HADH: variants seen among roughly 807,000 people sequenced by gnomAD.
The protein encoded by HADH is hydroxyacyl-coenzyme A dehydrogenase, mitochondrial.
A neutral mutation model predicts 32.2 loss-of-function variants in HADH; 24 were observed. That is an observed-to-expected ratio of 0.75 (90% CI 0.54 to 1.05). HADH has a LOEUF of 1.05. HADH is among the 50% of genes least tolerant of loss of function. The pLI is 0.00. For missense variants in HADH, 350 were observed against 397.1 expected (o/e 0.88, Z 1.01); for synonymous variants, 139 against 152.5 (o/e 0.91, Z 0.65).
intron 5 of HADH, chr4:108,027,466 C>T: frequency 1.7e-6 from 1 of 603,976 alleles, no homozygotes; most frequent in Non-Finnish European, 3.0e-6. Context: ...AGGATCTGTG[C>T]AGTGGGGCAT....
chr4:108,019,958 T>C (rs1735828138), intron 4 of HADH, among the ~76,000 whole-genome samples: 1 of 152,214 alleles, frequency 6.6e-6, no homozygotes, highest in Non-Finnish European at 1.5e-5. Context: ...AAGGCAGCAC[T>C]AGAAACCGTG....
intron 2 of HADH, among the ~76,000 whole-genome samples, chr4:108,010,747 T>C (rs75591265): frequency 0.011 from 1,746 of 152,300 alleles, 40 homozygotes; most frequent in African/African-American, 0.038. Context: ...TCATACTTCA[T>C]GTAAGTGGAA....
intron 1 of HADH, among the ~76,000 whole-genome samples, chr4:108,008,718 G>T (rs1735371841): frequency 6.6e-6 from 1 of 152,268 alleles, no homozygotes; most frequent in South Asian, 2.1e-4. Flanking sequence ...CAATGGTTTT[G>T]CAGGGGGCTT....
chr4:108,016,929 T>C (rs992319447), intron 3 of HADH, among the ~76,000 whole-genome samples: 1 of 152,234 alleles, frequency 6.6e-6, no homozygotes, highest in Admixed American at 6.5e-5. Flanking sequence ...GAGTGCCTGC[T>C]GTGTATCAGG....
chr4:108,019,718 T>C (rs770121338), intron 4 of HADH, 52 bp downstream of exon 4: 2 of 1,609,702 alleles, frequency 1.2e-6, no homozygotes, highest in Non-Finnish European at 1.7e-6. Context: ...GCTCTCTCAG[T>C]CCTGCTTTTC....
intron 6 of HADH, chr4:108,027,977 C>G (rs2126237195): frequency 1.6e-6 from 1 of 608,072 alleles, no homozygotes; most frequent in South Asian, 1.9e-5. Context: ...AGAAAGGTTT[C>G]TGGAACTCCC....
chr4:107,999,795 T>C (rs753512773), intron 1 of HADH, among the ~76,000 whole-genome samples: 1 of 152,148 alleles, frequency 6.6e-6, no homozygotes, highest in Non-Finnish European at 1.5e-5. Flanking sequence ...CTAATTGTAA[T>C]GAAGGCACAG....
In HADH at chr4:107,996,280, A is replaced by G. The variant is rs1026727775; in HGVS notation, c.132+6216A>G. Among the ~76,000 whole-genome samples, 6 of 152,296 alleles carry G rather than the reference A, an allele frequency of 3.9e-5. No homozygotes were observed. In the East Asian group the frequency reaches 1.2e-3, roughly 29 times the overall value. On this transcript the variant is annotated intron_variant, in intron 1 of 7. Coordinates refer to ENST00000309522, the MANE Select transcript of HADH (RefSeq NM_005327.7). ...CATTGTCATATTAGTCTTCCTGGAG[A>G]GGCATTTGGATTTATAACTCTCCTC...
chr4:108,032,891 A>T (rs1736323755), intron 6 of HADH: 1 of 417,670 alleles, frequency 2.4e-6, no homozygotes, highest in Non-Finnish European at 4.5e-6. Context: ...CTGAGGCAGG[A>T]GAATCACTTG....
intron 1 of HADH, chr4:108,005,057 C>A: frequency 1.7e-6 from 1 of 577,700 alleles, no homozygotes; most frequent in Non-Finnish European, 2.9e-6. Flanking sequence ...TTCTTTCTTT[C>A]TTTATTTTCT....
intron 7 of HADH, among the ~76,000 whole-genome samples, chr4:108,033,835 T>G (rs989169584): frequency 1.3e-5 from 2 of 152,382 alleles, no homozygotes; most frequent in African/African-American, 4.8e-5. Context: ...ATTTTGAATC[T>G]TATGTGGATG....
intron 6 of HADH, chr4:108,031,758 A>G (rs886889558): frequency 6.6e-6 from 1 of 152,134 alleles, no homozygotes; most frequent in Non-Finnish European, 1.5e-5. Flanking sequence ...GAGTTCTCCC[A>G]TTATGTCATG....
chr4:108,033,335 T>C, intron 7 of HADH, 43 bp downstream of exon 7: 4 of 983,798 alleles, frequency 4.1e-6, no homozygotes, highest in Non-Finnish European at 6.6e-6. Context: ...GAGGTAGTTT[T>C]TCTGAACTGT....
At chr4:108,024,552 C>T (rs1483065186) in intron 5 of HADH, 2 of 152,172 alleles carry the variant, frequency 1.3e-5, no homozygotes, top group East Asian at 1.9e-4. Flanking sequence ...GTGTGTCCTG[C>T]TCCTCCCCGT....
At chr4:108,012,177 A>G (rs1175551844) in intron 2 of HADH, among the ~76,000 whole-genome samples, 1 of 152,072 alleles carries the variant, frequency 6.6e-6, no homozygotes, top group Non-Finnish European at 1.5e-5. Flanking sequence ...GATTACAAGC[A>G]TAAGCCACCG....
chr4:108,003,823 AAAAC>A (rs1291900638), intron 1 of HADH, among the ~76,000 whole-genome samples: 2 of 149,834 alleles, frequency 1.3e-5, no homozygotes, highest in Non-Finnish European at 3.0e-5. Context: ...AAAAAAAAAA[AAAAC>A]AAAAAAAAAA....
chr4:108,013,651 G>A (rs1331089769), intron 2 of HADH, among the ~76,000 whole-genome samples: 1 of 152,106 alleles, frequency 6.6e-6, no homozygotes, highest in Non-Finnish European at 1.5e-5. Flanking sequence ...TGCTTGAAAT[G>A]TGGCTAGTCT....
In HADH at chr4:108,027,666, G is replaced by A. The variant is rs374104621; in HGVS notation, c.637-22G>A. 2.0e-6 allele frequency: 3 copies of A among 1,529,956 alleles called. 1 individual carries two copies. Among genetic ancestry groups the A allele is most frequent in the Non-Finnish European group, 9.1e-7 (1 of 1,103,300 alleles). The allele number at this position is 1,529,956 out of a possible 1,614,324, so 94.8% of individuals were successfully genotyped here. A position where few individuals can be genotyped will look rare whatever the true frequency, so the allele number is the denominator to read the frequency against. ...TTTAATGAAAATTTACTAGTTTTTTGTTTTTCTGTCTCCCAAAACAGGACA... is the reference window on the plus strand; with the variant it reads ...TTTAATGAAAATTTACTAGTTTTTTATTTTTCTGTCTCCCAAAACAGGACA... On this transcript the variant is annotated intron_variant, in intron 5 of 7. Coordinates refer to ENST00000309522, the MANE Select transcript of HADH (RefSeq NM_005327.7).
chr4:108,000,146 T>A (rs1735077563), intron 1 of HADH, among the ~76,000 whole-genome samples: 1 of 152,226 alleles, frequency 6.6e-6, no homozygotes, highest in Non-Finnish European at 1.5e-5. Flanking sequence ...GAAAGGTCTC[T>A]CCGTACTATC....
Sources: gnomAD v4.1 joint callset for allele counts (sites outside exome capture counted in the v4.1 genomes callset) on GRCh38, gnomAD v4.1.1 for gene constraint, MANE v1.5 for transcripts, NCBI Gene and HGNC (gene_info 2026-07-23, HGNC 2026-07-21) for gene names.